KDM6A: variants seen among roughly 807,000 people sequenced by gnomAD.
The protein encoded by KDM6A is lysine demethylase 6A, also known as lysine-specific demethylase 6A.
A neutral mutation model predicts 117.6 loss-of-function variants in KDM6A; 11 were observed. That is an observed-to-expected ratio of 0.09 (90% CI 0.06 to 0.15). KDM6A has a LOEUF of 0.15. Among genes scored for constraint, KDM6A ranks in the 10% least tolerant of loss-of-function variants. The pLI, the probability that KDM6A is intolerant of heterozygous loss-of-function variation, is 1.00. For missense variants in KDM6A, 799 were observed against 1,077.3 expected (o/e 0.74, Z 3.62); for synonymous variants, 384 against 396.1 (o/e 0.97, Z 0.36).
chrX:45,037,836 A>C (rs1484763678), intron 8 of KDM6A, 147 bp downstream of exon 8: 1 of 455,552 alleles, frequency 2.2e-6, no homozygotes, highest in East Asian at 3.7e-5. Flanking sequence ...TATACTCATT[A>C]AATGTGATCA....
chrX:44,984,687 G>A (rs1483763862), intron 4 of KDM6A, among the ~76,000 whole-genome samples: 50 of 111,713 alleles, frequency 4.5e-4, no homozygotes, highest in African/African-American at 1.5e-3. Flanking sequence ...CCCGTTGCTT[G>A]TTTTTCTCAG....
At chrX:45,068,836 C>T (rs1473950609) in intron 17 of KDM6A, among the ~76,000 whole-genome samples, 1 of 107,610 alleles carries the variant, frequency 9.3e-6, no homozygotes, top group East Asian at 2.9e-4. Context: ...TTCCCTTTCC[C>T]TTTCCCTTTC....
intron 4 of KDM6A, among the ~76,000 whole-genome samples, chrX:44,976,703 A>G (rs1173623257): frequency 9.0e-6 from 1 of 111,731 alleles, no homozygotes; most frequent in East Asian, 2.8e-4. Flanking sequence ...GGATCAATAT[A>G]CCACAGTTTG....
intron 4 of KDM6A, among the ~76,000 whole-genome samples, chrX:44,996,925 G>A (rs756921357): frequency 7.3e-4 from 82 of 111,638 alleles, no homozygotes; most frequent in African/African-American, 2.4e-3. Context: ...AGTGAAATGG[G>A]AGAGATTCCC....
At chrX:45,005,953 A>T (rs74524765) in intron 4 of KDM6A, among the ~76,000 whole-genome samples, 12 of 23,466 alleles carry the variant, frequency 5.1e-4, no homozygotes, top group African/African-American at 2.6e-3. Flanking sequence ...ACTTCACCTC[A>T]CCCCCCCACC....
intron 8 of KDM6A, among the ~76,000 whole-genome samples, chrX:45,042,980 TATA>T (rs1360290267): frequency 7.1e-5 from 8 of 112,784 alleles, no homozygotes; most frequent in Non-Finnish European, 1.3e-4. Context: ...GTATTGAGCT[TATA>T]ATGTTTGAAA....
At chrX:45,058,673 G>A (rs1043288942) in intron 10 of KDM6A, among the ~76,000 whole-genome samples, 2 of 110,485 alleles carry the variant, frequency 1.8e-5, no homozygotes, top group South Asian at 7.7e-4. Context: ...AAGAAGAGTG[G>A]AAGAGTGCCG....
At chrX:44,937,007 A>G (rs761942481) in intron 2 of KDM6A, among the ~76,000 whole-genome samples, 3 of 111,747 alleles carry the variant, frequency 2.7e-5, no homozygotes, top group East Asian at 5.6e-4. Context: ...GACCCTTCGC[A>G]AATTATTTAG....
intron 2 of KDM6A, among the ~76,000 whole-genome samples, chrX:44,959,267 A>G (rs1277425392): frequency 9.1e-6 from 1 of 109,743 alleles, no homozygotes; most frequent in Non-Finnish European, 1.9e-5. Flanking sequence ...TTTAAAATCA[A>G]CCATTCTGGT....
chrX:45,099,326 TATTGA>T (rs1392903576), intron 27 of KDM6A, among the ~76,000 whole-genome samples: 1 of 109,820 alleles, frequency 9.1e-6, no homozygotes, highest in Non-Finnish European at 1.9e-5. Flanking sequence ...TGCCTCTCCC[TATTGA>T]ATTAAGGTTC....
At chrX:45,096,594 G>T (rs2046117822) in intron 27 of KDM6A, among the ~76,000 whole-genome samples, 1 of 112,145 alleles carries the variant, frequency 8.9e-6, no homozygotes. Flanking sequence ...GTCTCTTATT[G>T]TAAACCCTTT....
intron 4 of KDM6A, among the ~76,000 whole-genome samples, chrX:44,979,679 A>T (rs1369767322): frequency 4.5e-5 from 5 of 110,390 alleles, no homozygotes; most frequent in African/African-American, 1.3e-4. Context: ...ATATTTCCTC[A>T]CCTTTTAAAT....
chrX:45,025,869 C>G (rs943847256), intron 6 of KDM6A, among the ~76,000 whole-genome samples: 1 of 111,792 alleles, frequency 8.9e-6, no homozygotes, highest in East Asian at 2.8e-4. Context: ...ATTTAAGTCC[C>G]CTTTTATAAT....
At chrX:44,927,703 C>G (rs1474714888) in intron 2 of KDM6A, among the ~76,000 whole-genome samples, 3 of 111,641 alleles carry the variant, frequency 2.7e-5, no homozygotes, top group African/African-American at 9.8e-5. Context: ...AGGACAGAAG[C>G]CTTACTGGCA....
At position 44,873,276 on chromosome X, in the gene KDM6A, G is replaced by T; in HGVS notation, c.-276G>T. The T allele has an allele frequency of 4.3e-6, 1 of 231,077 alleles. No individual in the cohort carries two copies. The allele number at this position is 231,077 out of a possible 1,213,427, so 19.0% of individuals were successfully genotyped here. A position where few individuals can be genotyped will look rare whatever the true frequency, so the allele number is the denominator to read the frequency against. On this transcript the variant is annotated 5_prime_UTR_variant, in exon 1 of 30. Coordinates refer to ENST00000611820, the MANE Select transcript of KDM6A (RefSeq NM_001291415.2). Reference sequence around the variant, plus strand: ...AGCCCCGCGCGCTCCGGCCGTTCCCGCCGTCCCCGCCTGTGGCTGCCCCCT... The same window carrying T: ...AGCCCCGCGCGCTCCGGCCGTTCCCTCCGTCCCCGCCTGTGGCTGCCCCCT...
At chrX:45,063,890 A>G in intron 17 of KDM6A, 73 bp downstream of exon 17, 1 of 975,051 alleles carries the variant, frequency 1.0e-6, no homozygotes, top group Non-Finnish European at 1.4e-6. Flanking sequence ...ACTTTGAGAG[A>G]AGAAGAGAGA....
At chrX:44,969,641 C>T (rs2039234800) in intron 3 of KDM6A, among the ~76,000 whole-genome samples, 1 of 110,214 alleles carries the variant, frequency 9.1e-6, no homozygotes, top group Non-Finnish European at 1.9e-5. Flanking sequence ...TGGTCTCGAT[C>T]TCCTGACCTT....
intron 4 of KDM6A, among the ~76,000 whole-genome samples, chrX:44,999,277 A>G (rs1035950819): frequency 7.1e-5 from 8 of 112,386 alleles, no homozygotes; most frequent in South Asian, 7.3e-4. Flanking sequence ...GCCCTTACAG[A>G]TAGAGCAATG....
At chrX:45,106,750 A>G in intron 27 of KDM6A, 1 of 280,809 alleles carries the variant, frequency 3.6e-6, no homozygotes, top group Non-Finnish European at 6.9e-6. Flanking sequence ...CCTAAGTATG[A>G]GTTTAGAAAA....
Sources: allele counts gnomAD v4.1 joint callset (sites outside exome capture counted in the v4.1 genomes callset), GRCh38; gene constraint gnomAD v4.1.1; transcripts MANE v1.5; gene names NCBI Gene and HGNC (gene_info 2026-07-23, HGNC 2026-07-21).